DIS3L: variants seen among roughly 807,000 people sequenced by gnomAD.
DIS3L encodes the protein DIS3 like exosome 3'-5' exoribonuclease, also known as DIS3-like exonuclease 1.
In DIS3L, 100 loss-of-function variants were observed where a neutral mutation model predicts 120.3. That is an observed-to-expected ratio of 0.83 (90% CI 0.71 to 0.98). DIS3L has a LOEUF of 0.98. DIS3L is among the 50% of genes least tolerant of loss of function. The pLI, the probability that DIS3L is intolerant of heterozygous loss-of-function variation, is 0.00. For missense variants in DIS3L, 1,196 were observed against 1,314.2 expected (o/e 0.91, Z 1.39); for synonymous variants, 426 against 470.6 (o/e 0.91, Z 1.23).
intron 15 of DIS3L, 150 bp from the exon 16 acceptor site, chr15:66,332,586 C>A: frequency 1.4e-6 from 1 of 736,748 alleles, no homozygotes; most frequent in Non-Finnish European, 2.1e-6. Flanking sequence ...TTGTTTCCAT[C>A]TGCTAAGGTG....
intron 6 of DIS3L, chr15:66,314,822 G>A (rs995329965): frequency 8.7e-6 from 4 of 459,474 alleles, no homozygotes; most frequent in African/African-American, 7.8e-5. Flanking sequence ...ATGATTGAGG[G>A]TGGCACTTAT....
chr15:66,293,316 CCTT>C (rs2092541812), upstream of DIS3L: 1 of 321,896 alleles, frequency 3.1e-6, no homozygotes, highest in Non-Finnish European at 4.9e-6. Flanking sequence ...TGCGCCCAGC[CCTT>C]CTTCACCTGC....
intron 12 of DIS3L, among the ~76,000 whole-genome samples, chr15:66,328,520 T>C (rs532108041): frequency 6.6e-6 from 1 of 152,246 alleles, no homozygotes; most frequent in African/African-American, 2.4e-5. Context: ...TGAGACCCTG[T>C]CTCTACAAAA....
At chr15:66,301,211 G>T (rs1303872420) in intron 2 of DIS3L, among the ~76,000 whole-genome samples, 1 of 152,084 alleles carries the variant, frequency 6.6e-6, no homozygotes, top group African/African-American at 2.4e-5. Context: ...AGATGATGGA[G>T]TTTTAGAAAA....
At chr15:66,316,328 A>G (rs965022839) in intron 7 of DIS3L, among the ~76,000 whole-genome samples, 2 of 151,110 alleles carry the variant, frequency 1.3e-5, no homozygotes, top group Non-Finnish European at 1.5e-5. Flanking sequence ...TTTACTCATC[A>G]GTAAATGCTG....
chr15:66,306,889 A>G lies in DIS3L; in HGVS notation c.359A>G (p.Glu120Gly). ...CATGATTGCATTCTCTTTGCTAATG[A>G]ATTCCAGCAATGCTGCTATCTGCCA... ...ARHDCILFAN[E>G]FQQCCYLPRE... is the part of the protein sequence containing the mutation. Residue 120 changes from glutamate to glycine, a missense_variant, in exon 3 of 17, where the codon GAA becomes GGA. Physicochemically the swap from Glu to Gly is moderately conservative, Grantham distance 98 (BLOSUM62 -2). Transcript: ENST00000319212. 2 of 1,614,168 alleles carry G rather than the reference A, an allele frequency of 1.2e-6. No individual in the cohort carries two copies. Among genetic ancestry groups the G allele is most frequent in the Non-Finnish European group, 1.7e-6 (2 of 1,180,020 alleles).
At chr15:66,330,515 A>AAT (rs1342861686) in intron 14 of DIS3L, 1 of 985,290 alleles carries the variant, frequency 1.0e-6, no homozygotes, top group East Asian at 1.1e-4. Flanking sequence ...TTCTATATCC[A>AAT]ATGGTATAGT....
rs10518686 is a variant in DIS3L at position 66,323,135 on chromosome 15, C to T, written c.1574+201C>T. Among the ~76,000 whole-genome samples the T allele has an allele frequency of 5.4e-3, 815 of 152,228 alleles. 8 individuals carry two copies. The highest frequency in any genetic ancestry group is 0.019 in the African/African-American group (774 of 41,512). ...ATTTACCTTTGCTTTTTAACATAAC[C>T]TTTTCACACATTGTTTCCTACTAAA... On this transcript the variant is annotated intron_variant, in intron 10 of 16. Coordinates refer to ENST00000319212, the MANE Select transcript of DIS3L (RefSeq NM_001143688.3).
At chr15:66,294,443 A>G (rs1046902798) in intron 1 of DIS3L, 2 of 985,914 alleles carry the variant, frequency 2.0e-6, no homozygotes, top group African/African-American at 3.5e-5. Context: ...AAACATTGTG[A>G]TTAAGGTGAA....
chr15:66,332,259 C>G (rs889335610), intron 15 of DIS3L, among the ~76,000 whole-genome samples: 1 of 152,062 alleles, frequency 6.6e-6, no homozygotes, highest in African/African-American at 2.4e-5. Flanking sequence ...GAGTTCGAGA[C>G]CAGCCTGGCC....
In DIS3L at chr15:66,330,127, C is replaced by T. The variant is rs1407596530; in HGVS notation, c.2535+728C>T. The T allele has an allele frequency of 3.3e-6, 3 of 921,066 alleles. No individual in the cohort carries two copies. The East Asian group carries it at 3.5e-4, about 108-fold the overall frequency. 57.1% of individuals were successfully genotyped at this position (921,066 alleles called of 1,614,324 possible). On this transcript the variant is annotated intron_variant, in intron 14 of 16. Transcript: ENST00000319212. ...ACCATCCGGGCTAACACAGTGAAAC[C>T]CCATCTCTACTAAAAATACAAAAAA...
chr15:66,321,914 A>G (rs1041074364), intron 9 of DIS3L, among the ~76,000 whole-genome samples: 3 of 152,212 alleles, frequency 2.0e-5, no homozygotes, highest in African/African-American at 7.2e-5. Flanking sequence ...ATGTACAAGC[A>G]GATTGTTCTC....
chr15:66,315,573 T>C (rs1317198346), intron 7 of DIS3L, among the ~76,000 whole-genome samples: 2 of 152,168 alleles, frequency 1.3e-5, no homozygotes, highest in Non-Finnish European at 1.5e-5. Flanking sequence ...ACACGAGATA[T>C]AGTCTCTTCC....
Position 66,333,015 on chromosome 15 carries a change from C to T in DIS3L, c.2868C>T (p.Ser956=). Residue 956 remains serine (S), a synonymous_variant, in exon 17 of 17, where the codon TCC becomes TCT. Coordinates refer to ENST00000319212, the MANE Select transcript of DIS3L (RefSeq NM_001143688.3). ...HLFDHVTVRI[S]IQASRCHSDT... ...CTTCTCTATGCTAGGTAAGAATATC[C>T]ATACAGGCCTCACGTTGCCATTCTG... 6.2e-7 allele frequency: 1 copy of T among 1,607,964 alleles called. No individual in the cohort carries two copies.
rs1232086786 is a variant in DIS3L, at chr15:66,293,572, C to A, written c.-25C>A. The A allele has an allele frequency of 7.1e-7, 1 of 1,416,754 alleles. No individual in the cohort carries two copies. Among genetic ancestry groups the A allele is most frequent in the South Asian group, 1.4e-5 (1 of 73,580 alleles). 87.8% of individuals were successfully genotyped at this position (1,416,754 alleles called of 1,614,324 possible). A position where few individuals can be genotyped will look rare whatever the true frequency, so the allele number is the denominator to read the frequency against. ...CTTGCCTCCGCCGCGCCCGCCACTC[C>A]GCGGCCGCCGGGAGACACGCCGCCA... On this transcript the variant is annotated 5_prime_UTR_variant, in exon 1 of 17. Coordinates refer to ENST00000319212, the MANE Select transcript of DIS3L (RefSeq NM_001143688.3).
Position 66,329,692 on chromosome 15 carries a change from A to C in DIS3L, c.2535+293A>C, listed in dbSNP as rs1000999479. On this transcript the variant is annotated intron_variant, in intron 14 of 16. Coordinates refer to ENST00000319212, the MANE Select transcript of DIS3L (RefSeq NM_001143688.3). The stretch of plus-strand genomic sequence containing the variant: ...GTGGTGGCTCACTTGAGGGCGGATC[A>C]CTTGAGGTCAGGAATTTGAGACCAG... 19 of 1,038,638 alleles carry C rather than the reference A, an allele frequency of 1.8e-5. No individual in the cohort carries two copies. In the East Asian group the frequency reaches 1.4e-3, roughly 76 times the overall value. The allele number at this position is 1,038,638 out of a possible 1,614,324, so 64.3% of individuals were successfully genotyped here. A position where few individuals can be genotyped will look rare whatever the true frequency, so the allele number is the denominator to read the frequency against.
At chr15:66,332,302 C>T (rs1395362455) in intron 15 of DIS3L, among the ~76,000 whole-genome samples, 1 of 151,950 alleles carries the variant, frequency 6.6e-6, no homozygotes, top group Non-Finnish European at 1.5e-5. Context: ...ACTAAAAGTA[C>T]AAAAATTAGC....
chr15:66,332,895 G>C lies in DIS3L; in HGVS notation c.2841G>C (p.Leu947Phe). The change falls in exon 16 of 17, where the codon TTG becomes TTC. Residue 947 changes from leucine to phenylalanine, a missense_variant. Transcript: ENST00000319212. ...ATGGGGAATCTGTTACGTTCCATTT[G>C]TTTGACCATGTAACCGTAAGTCTGT... Reference protein sequence around the residue: ...TTDGESVTFHLFDHVTVRISI... With the variant: ...TTDGESVTFHFFDHVTVRISI... The C allele has an allele frequency of 1.2e-6, 2 of 1,611,296 alleles. No individual in the cohort carries two copies. The highest frequency in any genetic ancestry group is 1.7e-6 in the Non-Finnish European group (2 of 1,178,954).
In DIS3L at chr15:66,322,705, A is replaced by G. The variant is rs202123708; in HGVS notation, c.1345A>G (p.Asn449Asp). The part of the protein sequence containing the change: ...SEAQMCEMPV[N>D]TPESPWKVSP... ...CATACAGATGTGTGAGATGCCAGTAAACACACCAGAAAGTCCCTGGAAGGT... is the reference window on the plus strand; with the variant it reads ...CATACAGATGTGTGAGATGCCAGTAGACACACCAGAAAGTCCCTGGAAGGT... Residue 449 changes from asparagine to aspartate, a missense_variant, in exon 10 of 17, where the codon AAC becomes GAC. Transcript: ENST00000319212. 9.0e-5 allele frequency: 146 copies of G among 1,614,082 alleles called. No individual in the cohort carries two copies. Among genetic ancestry groups the G allele is most frequent in the Non-Finnish European group, 1.2e-4 (141 of 1,180,028 alleles).
Sources: allele counts gnomAD v4.1 joint callset (sites outside exome capture counted in the v4.1 genomes callset), GRCh38; gene constraint gnomAD v4.1.1; transcripts MANE v1.5; gene names NCBI Gene and HGNC (gene_info 2026-07-23, HGNC 2026-07-21).